SDCCAG8: variants seen among roughly 807,000 people sequenced by gnomAD.
SDCCAG8 encodes serologically defined colon cancer antigen 8.
A neutral mutation model predicts 101.8 loss-of-function variants in SDCCAG8; 74 were observed. That is an observed-to-expected ratio of 0.73 (90% CI 0.60 to 0.88). The LOEUF is 0.88. Among genes scored for constraint, SDCCAG8 ranks in the 40% least tolerant of loss-of-function variants. The pLI, the probability that SDCCAG8 is intolerant of heterozygous loss-of-function variation, is 0.00. For synonymous variants in SDCCAG8, 281 were observed against 292.9 expected, an observed-to-expected ratio of 0.96 and a Z score of 0.41; for missense variants, 787 against 822.6, an observed-to-expected ratio of 0.96 and a Z score of 0.53.
intron 16 of SDCCAG8, among the ~76,000 whole-genome samples, chr1:243,455,078 G>C (rs2083642609): frequency 1.3e-5 from 2 of 152,036 alleles, no homozygotes; most frequent in Non-Finnish European, 2.9e-5. Context: ...CATAAGACAA[G>C]GAAAATCTAG....
chr1:243,379,484 C>G (rs537637395), intron 13 of SDCCAG8, among the ~76,000 whole-genome samples: 4 of 152,208 alleles, frequency 2.6e-5, no homozygotes, highest in African/African-American at 9.6e-5. Context: ...TAGCTCGGCC[C>G]TAAATTACAG....
chr1:243,293,320 T>A, intron 6 of SDCCAG8, 101 bp downstream of exon 6: 1 of 1,231,984 alleles, frequency 8.1e-7, no homozygotes, highest in Non-Finnish European at 1.2e-6. Context: ...AATTTACCAT[T>A]ATAACCATTT....
chr1:243,273,653 G>A (rs1184836447), intron 3 of SDCCAG8, among the ~76,000 whole-genome samples: 5 of 152,074 alleles, frequency 3.3e-5, no homozygotes, highest in Admixed American at 6.6e-5. Flanking sequence ...GAATTTCATC[G>A]CATTGACACT....
chr1:243,353,741 C>G (rs527304630), intron 12 of SDCCAG8, among the ~76,000 whole-genome samples: 1 of 152,182 alleles, frequency 6.6e-6, no homozygotes, highest in South Asian at 2.1e-4. Flanking sequence ...TAGTAACACT[C>G]AGAATCCCAA....
At chr1:243,477,839 T>C (rs966395293) in intron 16 of SDCCAG8, among the ~76,000 whole-genome samples, 3 of 152,222 alleles carry the variant, frequency 2.0e-5, no homozygotes, top group African/African-American at 7.2e-5. Flanking sequence ...CACCAGTCTG[T>C]GGATGAGATC....
intron 9 of SDCCAG8, among the ~76,000 whole-genome samples, chr1:243,327,013 A>C (rs1044915115): frequency 2.6e-5 from 4 of 152,152 alleles, no homozygotes; most frequent in Non-Finnish European, 4.4e-5. Flanking sequence ...CAGCTAAAGA[A>C]ATTTCCCAGA....
chr1:243,283,092 C>T (rs2069213289), intron 4 of SDCCAG8, among the ~76,000 whole-genome samples: 1 of 152,136 alleles, frequency 6.6e-6, no homozygotes, highest in Admixed American at 6.5e-5. Context: ...ACATGATCCG[C>T]CTGCCTCGGC....
At chr1:243,363,128 C>G (rs2076813003) in intron 12 of SDCCAG8, among the ~76,000 whole-genome samples, 1 of 152,168 alleles carries the variant, frequency 6.6e-6, no homozygotes, top group African/African-American at 2.4e-5. Context: ...TAGTATAGCA[C>G]AGAGAGCATC....
At chr1:243,314,763 G>T (rs1183453894) in intron 8 of SDCCAG8, among the ~76,000 whole-genome samples, 2 of 152,190 alleles carry the variant, frequency 1.3e-5, no homozygotes, top group Non-Finnish European at 2.9e-5. Flanking sequence ...AGGCTAGAGT[G>T]CAGTGGCACG....
chr1:243,314,253 G>A (rs1485532711), intron 8 of SDCCAG8, among the ~76,000 whole-genome samples: 13 of 152,198 alleles, frequency 8.5e-5, no homozygotes, highest in Admixed American at 8.5e-4. Flanking sequence ...GTTACGTGGA[G>A]TTTGAGTGTA....
At chr1:243,294,972 T>C (rs556094881) in intron 6 of SDCCAG8, among the ~76,000 whole-genome samples, 94 of 152,244 alleles carry the variant, frequency 6.2e-4, no homozygotes, top group African/African-American at 2.1e-3. Flanking sequence ...ACAGATGATA[T>C]AGTTTTCTAA....
At chr1:243,333,756 G>A (rs562996866) in intron 10 of SDCCAG8, among the ~76,000 whole-genome samples, 1 of 151,912 alleles carries the variant, frequency 6.6e-6, no homozygotes, top group African/African-American at 2.4e-5. Context: ...TTCTTGATTT[G>A]GGAGAATGAT....
intron 16 of SDCCAG8, among the ~76,000 whole-genome samples, chr1:243,438,551 C>A (rs2082306104): frequency 6.7e-6 from 1 of 149,310 alleles, no homozygotes; most frequent in Non-Finnish European, 1.5e-5. Context: ...TGTGTCTATG[C>A]ACACGTGCGC....
chr1:243,402,867 C>T (rs1378732470), intron 13 of SDCCAG8, among the ~76,000 whole-genome samples: 2 of 152,144 alleles, frequency 1.3e-5, no homozygotes, highest in South Asian at 2.1e-4. Flanking sequence ...TCTGAAGAAT[C>T]GCCACTTTGA....
At chr1:243,447,124 G>A (rs754132316) in intron 16 of SDCCAG8, among the ~76,000 whole-genome samples, 28 of 151,712 alleles carry the variant, frequency 1.8e-4, no homozygotes, top group Non-Finnish European at 3.8e-4. Flanking sequence ...CAGTGGCCGT[G>A]TCTGTAATCC....
chr1:243,318,799 G>A (rs1034596864), intron 9 of SDCCAG8, among the ~76,000 whole-genome samples: 1 of 152,186 alleles, frequency 6.6e-6, no homozygotes, highest in South Asian at 2.1e-4. Flanking sequence ...GGAGGAAACC[G>A]CAGTTACTTC....
chr1:243,280,527 G>T (rs1456594509), intron 4 of SDCCAG8, among the ~76,000 whole-genome samples: 1 of 152,012 alleles, frequency 6.6e-6, no homozygotes, highest in African/African-American at 2.4e-5. Context: ...TAGAAGCTTA[G>T]ATTATTTATT....
At chr1:243,449,723 C>T (rs974410300) in intron 16 of SDCCAG8, among the ~76,000 whole-genome samples, 11 of 152,206 alleles carry the variant, frequency 7.2e-5, no homozygotes, top group Non-Finnish European at 1.5e-4. Context: ...AATTATGCCT[C>T]TGTGTTCACT....
chr1:243,496,319 G>A (rs1015898497), intron 17 of SDCCAG8, among the ~76,000 whole-genome samples: 1 of 152,194 alleles, frequency 6.6e-6, no homozygotes, highest in Admixed American at 6.5e-5. Context: ...TGGCCCCGGT[G>A]CCCAGAACAC....
Sources: allele counts gnomAD v4.1 joint callset (sites outside exome capture counted in the v4.1 genomes callset), GRCh38; gene constraint gnomAD v4.1.1; transcripts MANE v1.5; gene names NCBI Gene and HGNC (gene_info 2026-07-23, HGNC 2026-07-21).